Variants in DNER observed in about 807,000 individuals in gnomAD.
DNER encodes the protein delta/notch like EGF repeat containing.
Under a neutral mutation model 78.2 loss-of-function variants are expected in DNER, and 33 were observed. That is an observed-to-expected ratio of 0.42 (90% confidence interval 0.32 to 0.56). DNER has a LOEUF of 0.56. Among genes scored for constraint, DNER ranks in the 20% least tolerant of loss-of-function variants. The pLI, the probability that DNER is intolerant of heterozygous loss-of-function variation, is 0.11. For synonymous variants in DNER, 417 were observed against 384.8 expected (o/e 1.08, Z -0.98); for missense variants, 918 against 975.3 (o/e 0.94, Z 0.78).
At chr2:229,455,428 A>G (rs893669203) in intron 7 of DNER, among the ~76,000 whole-genome samples, 1 of 152,062 alleles carries the variant, frequency 6.6e-6, no homozygotes, top group African/African-American at 2.4e-5. Flanking sequence ...GGTAATCTCA[A>G]GTTGCCCGTA....
intron 9 of DNER, among the ~76,000 whole-genome samples, chr2:229,414,688 G>A (rs1270022829): frequency 2.0e-5 from 3 of 152,160 alleles, no homozygotes; most frequent in Non-Finnish European, 4.4e-5. Context: ...AGCAAGAGTG[G>A]TGGACACAGC....
rs1000360265 is a variant in DNER, at chr2:229,591,717, G to T, written c.448C>A (p.Pro150Thr). 1.2e-6 allele frequency: 2 copies of T among 1,614,190 alleles called. No individual in the cohort carries two copies. The highest frequency in any genetic ancestry group is 2.7e-5 in the African/African-American group (2 of 75,046). Residue 150 changes from proline (P) to threonine (T), a missense_variant, in exon 2 of 13, where the codon CCC (proline) becomes ACC (threonine). Coordinates refer to ENST00000341772, the MANE Select transcript of DNER (RefSeq NM_139072.4). The surrounding 1 kb of genome is among the most constrained non-coding windows in gnomAD (Gnocchi z 4.6). ...GCAGGAACAGGCTGAAGCTGTCGGGGTGCCATGGATTCGGTCCAGCCAGTG... is the reference window on the plus strand; with the variant it reads ...GCAGGAACAGGCTGAAGCTGTCGGGTTGCCATGGATTCGGTCCAGCCAGTG... ...PATGWTESMA[P>T]RQLQPVPATQ... is the part of the protein sequence containing the mutation.
At chr2:229,379,115 G>A (rs1359658234) in intron 11 of DNER, among the ~76,000 whole-genome samples, 1 of 152,158 alleles carries the variant, frequency 6.6e-6, no homozygotes, top group African/African-American at 2.4e-5. Flanking sequence ...GATGTGTAAT[G>A]TACCCTATCA....
At chr2:229,660,446 A>T (rs574741275) in intron 1 of DNER, among the ~76,000 whole-genome samples, 1 of 152,174 alleles carries the variant, frequency 6.6e-6, no homozygotes, top group Non-Finnish European at 1.5e-5. Context: ...CTGCAAGGAC[A>T]TGATCTCATT....
intron 8 of DNER, among the ~76,000 whole-genome samples, chr2:229,422,774 G>A (rs1693794057): frequency 2.0e-5 from 3 of 152,068 alleles, no homozygotes; most frequent in Admixed American, 6.6e-5. Flanking sequence ...AAATGGAAGG[G>A]AAAGAAGAAA....
chr2:229,594,512 A>G (rs781573583), intron 1 of DNER, among the ~76,000 whole-genome samples: 12 of 152,060 alleles, frequency 7.9e-5, no homozygotes, highest in Non-Finnish European at 1.6e-4. Context: ...ATTTGAACCC[A>G]GGAGGCAGAG....
At chr2:229,653,774 T>G (rs1698862563) in intron 1 of DNER, among the ~76,000 whole-genome samples, 1 of 152,184 alleles carries the variant, frequency 6.6e-6, no homozygotes, top group African/African-American at 2.4e-5. Context: ...GGCCTCACAT[T>G]CATGTAACAC....
At chr2:229,513,825 A>C (rs6735195) in intron 5 of DNER, among the ~76,000 whole-genome samples, 22,170 of 152,122 alleles carry the variant, frequency 0.15, 2,070 homozygotes, top group African/African-American at 0.26. Context: ...CTCATCTCCA[A>C]GCCTGGCACA....
intron 9 of DNER, among the ~76,000 whole-genome samples, chr2:229,416,700 C>G (rs1457488332): frequency 1.3e-5 from 2 of 152,222 alleles, no homozygotes; most frequent in Non-Finnish European, 2.9e-5. Flanking sequence ...TCAGTTCTCT[C>G]TGGAGCCCTC....
chr2:229,632,348 A>G (rs1326915834), intron 1 of DNER, among the ~76,000 whole-genome samples: 4 of 152,180 alleles, frequency 2.6e-5, no homozygotes, highest in Non-Finnish European at 4.4e-5. Context: ...CTAAATAAAC[A>G]CTAACTATAA....
intron 6 of DNER, among the ~76,000 whole-genome samples, chr2:229,502,661 T>C (rs2154212000): frequency 6.6e-6 from 1 of 152,172 alleles, no homozygotes; most frequent in Non-Finnish European, 1.5e-5. Flanking sequence ...CAGAAGATAT[T>C]ACATGGATTT....
chr2:229,456,286 T>G (rs1457999046), intron 7 of DNER, among the ~76,000 whole-genome samples: 3 of 151,368 alleles, frequency 2.0e-5, no homozygotes, highest in African/African-American at 7.3e-5. Flanking sequence ...GAACTCAGAG[T>G]GAGAACCAAG....
chr2:229,553,621 T>G (rs1209765579), intron 4 of DNER, among the ~76,000 whole-genome samples: 2 of 152,196 alleles, frequency 1.3e-5, no homozygotes, highest in African/African-American at 2.4e-5. Flanking sequence ...TTGGCTGCCA[T>G]GCCAGCGCAG....
At chr2:229,651,967 T>C (rs1698827151) in intron 1 of DNER, among the ~76,000 whole-genome samples, 1 of 152,132 alleles carries the variant, frequency 6.6e-6, no homozygotes, top group African/African-American at 2.4e-5. Context: ...GTGGGGAACA[T>C]AGTGGATTTG....
At chr2:229,711,306 G>A (rs1190894668) in intron 1 of DNER, among the ~76,000 whole-genome samples, 2 of 152,132 alleles carry the variant, frequency 1.3e-5, no homozygotes, top group African/African-American at 2.4e-5. Context: ...GCAGCAATCA[G>A]ACATCAAGGA....
At chr2:229,503,861 CCTCCTGAGTAGCTGGTA>C (rs1399071313) in intron 6 of DNER, among the ~76,000 whole-genome samples, 1 of 152,124 alleles carries the variant, frequency 6.6e-6, no homozygotes, top group Non-Finnish European at 1.5e-5. Context: ...CCCACTTCAG[CCTCCTGAGTAGCTGGTA>C]CTACAGATGC....
At chr2:229,446,164 T>C (rs1436593358) in intron 8 of DNER, among the ~76,000 whole-genome samples, 1 of 152,158 alleles carries the variant, frequency 6.6e-6, no homozygotes, top group Non-Finnish European at 1.5e-5. Flanking sequence ...TTGGTGTAAA[T>C]GTGACACTAA....
intron 10 of DNER, among the ~76,000 whole-genome samples, chr2:229,401,478 G>C (rs1188844812): frequency 2.0e-5 from 3 of 151,776 alleles, no homozygotes; most frequent in Non-Finnish European, 4.4e-5. Context: ...CCATACTTTG[G>C]AATACTGCTC....
intron 1 of DNER, among the ~76,000 whole-genome samples, chr2:229,617,704 T>C (rs1019058457): frequency 1.3e-5 from 2 of 152,186 alleles, no homozygotes; most frequent in African/African-American, 2.4e-5. Flanking sequence ...CTATAATCCC[T>C]GCACTTTGGG....
Sources: gnomAD v4.1 joint callset for allele counts (sites outside exome capture counted in the v4.1 genomes callset) on GRCh38, gnomAD v4.1.1 for gene constraint, Gnocchi (gnomAD v3.1) non-coding constraint, MANE v1.5 for transcripts, NCBI Gene and HGNC (gene_info 2026-07-23, HGNC 2026-07-21) for gene names.